Variants in RAD54B observed in about 807,000 individuals in gnomAD.
RAD54B encodes the protein RAD54 homolog B, also known as DNA repair and recombination protein RAD54B.
In RAD54B, 78 loss-of-function variants were observed where a neutral mutation model predicts 95.8. That is an observed-to-expected ratio of 0.81 (90% confidence interval 0.68 to 0.98). RAD54B has a LOEUF of 0.98. Ranked by LOEUF, RAD54B falls within the 50% of genes least tolerant of loss-of-function variation. The pLI, the probability that RAD54B is intolerant of heterozygous loss-of-function variation, is 0.00. For missense variants in RAD54B, 957 were observed against 1,056.6 expected, an observed-to-expected ratio of 0.91 and a Z score of 1.31; for synonymous variants, 328 against 354.9, an observed-to-expected ratio of 0.92 and a Z score of 0.85.
At position 94,372,121 on chromosome 8, in the gene RAD54B, AT is replaced by A. The variant is rs1247526804; in HGVS notation, c.*48del. Reference sequence around the variant, plus strand: ...TTTTCAAAAAGTACATTTAATTACCATACTAATTTTCAAAAGAAGAGCAATG... The same window carrying A: ...TTTTCAAAAAGTACATTTAATTACCAACTAATTTTCAAAAGAAGAGCAATG... On this transcript the variant is annotated 3_prime_UTR_variant, in exon 15 of 15. Coordinates refer to ENST00000336148, the MANE Select transcript of RAD54B (RefSeq NM_012415.3). 1 of 1,530,680 alleles carries A rather than the reference AT, an allele frequency of 6.5e-7. No individual in the cohort carries two copies. Among genetic ancestry groups the A allele is most frequent in the Non-Finnish European group, 8.7e-7 (1 of 1,147,404 alleles). The allele number at this position is 1,530,680 out of a possible 1,614,324, so 94.8% of individuals were successfully genotyped here. A position where few individuals can be genotyped will look rare whatever the true frequency, so the allele number is the denominator to read the frequency against.
intron 3 of RAD54B, chr8:94,431,926 G>T: frequency 8.2e-7 from 1 of 1,219,130 alleles, no homozygotes; most frequent in Non-Finnish European, 1.0e-6. Context: ...AAAAAAAGAA[G>T]ACAATAAAAA....
At chr8:94,431,208 T>C (rs979413600) in intron 3 of RAD54B, 2 of 939,484 alleles carry the variant, frequency 2.1e-6, no homozygotes, top group Non-Finnish European at 2.5e-6. Context: ...ATACATAAAA[T>C]TTTAATTTTG....
At chr8:94,442,362 A>G (rs953520061) in intron 3 of RAD54B, among the ~76,000 whole-genome samples, 6 of 114,708 alleles carry the variant, frequency 5.2e-5, no homozygotes, top group African/African-American at 1.9e-4. Context: ...TCACAAGGTC[A>G]GGAATCAAGA....
chr8:94,385,385 A>G (rs1270634465), intron 11 of RAD54B, among the ~76,000 whole-genome samples: 1 of 152,162 alleles, frequency 6.6e-6, no homozygotes. Flanking sequence ...AAAAGATAAT[A>G]AGATATGAAT....
At chr8:94,400,875 A>G (rs1371864476) in intron 6 of RAD54B, among the ~76,000 whole-genome samples, 1 of 152,204 alleles carries the variant, frequency 6.6e-6, no homozygotes, top group Non-Finnish European at 1.5e-5. Context: ...AGATCTACTG[A>G]GCTGTATTTT....
At chr8:94,407,310 A>G (rs567595517) in intron 5 of RAD54B, 129 bp downstream of exon 5, 18 of 871,384 alleles carry the variant, frequency 2.1e-5, no homozygotes, top group Non-Finnish European at 2.2e-5. Context: ...CTTATGTCAG[A>G]TTATATATCT....
Position 94,372,326 on chromosome 8 carries a change from T to C in RAD54B, c.2577A>G (p.Lys859=). Residue 859 remains lysine (K), a synonymous_variant, in exon 15 of 15, where the codon AAA becomes AAG. Transcript: ENST00000336148. ...RDCQLGPHHQ[K]SNSLKPLSMS... ...TAGAAAGAGGTTTCAGGGAGTTAGA[T>C]TTCTGGTGATGTGGACCAAGCTGAC... 6.2e-7 allele frequency: 1 copy of C among 1,613,830 alleles called. No homozygotes were observed.
At chr8:94,376,118 A>G (rs1258545963) in intron 14 of RAD54B, among the ~76,000 whole-genome samples, 1 of 152,128 alleles carries the variant, frequency 6.6e-6, no homozygotes. Context: ...TTAAGAGGAT[A>G]TACACGATTT....
At chr8:94,471,741 T>C (rs2130214096) in intron 1 of RAD54B, among the ~76,000 whole-genome samples, 1 of 152,216 alleles carries the variant, frequency 6.6e-6, no homozygotes, top group Non-Finnish European at 1.5e-5. Flanking sequence ...TCAAATTTTT[T>C]ACAATGAAAA....
chr8:94,386,590 GTGTGCA>G (rs1207574033), intron 11 of RAD54B, among the ~76,000 whole-genome samples: 3 of 58,096 alleles, frequency 5.2e-5, no homozygotes, highest in Non-Finnish European at 1.1e-4. Flanking sequence ...GTGTGTGTGT[GTGTGCA>G]TGTGTGTGTG....
chr8:94,416,414 C>T (rs1811668583), intron 3 of RAD54B, among the ~76,000 whole-genome samples: 1 of 151,324 alleles, frequency 6.6e-6, no homozygotes, highest in African/African-American at 2.4e-5. Context: ...ATACCTAATG[C>T]TAAATGATGA....
intron 3 of RAD54B, among the ~76,000 whole-genome samples, chr8:94,422,583 G>A (rs1329894124): frequency 7.6e-5 from 3 of 39,368 alleles, no homozygotes; most frequent in Non-Finnish European, 1.4e-4. Context: ...GCGAGACTTC[G>A]TCTCAAAAAA....
At chr8:94,451,213 G>C (rs1203784121) in intron 3 of RAD54B, among the ~76,000 whole-genome samples, 1 of 152,114 alleles carries the variant, frequency 6.6e-6, no homozygotes, top group Admixed American at 6.5e-5. Flanking sequence ...TATTGTGCCG[G>C]AAGCACAAAA....
chr8:94,458,227 A>G (rs1323175669), intron 3 of RAD54B, 41 bp downstream of exon 3: 4 of 1,492,362 alleles, frequency 2.7e-6, no homozygotes, highest in Non-Finnish European at 3.6e-6. Context: ...CTGTAATACT[A>G]TTGGTCAAGC....
chr8:94,457,286 G>A (rs1173134445), intron 3 of RAD54B, among the ~76,000 whole-genome samples: 2 of 152,302 alleles, frequency 1.3e-5, no homozygotes, highest in East Asian at 3.9e-4. Context: ...GTAAGATAGA[G>A]CAGAGCTAAA....
At chr8:94,410,078 C>T (rs1264007762) in intron 4 of RAD54B, among the ~76,000 whole-genome samples, 1 of 152,180 alleles carries the variant, frequency 6.6e-6, no homozygotes, top group Non-Finnish European at 1.5e-5. Context: ...GCCTTTCATA[C>T]ACTACATTCC....
In RAD54B at chr8:94,381,530, A is replaced by G. The variant is rs183075633; in HGVS notation, c.1986-1124T>C. Among the ~76,000 whole-genome samples the G allele has an allele frequency of 3.5e-4, 53 of 152,344 alleles. 1 individual carries two copies. The East Asian group carries it at 9.4e-3, about 27-fold the overall frequency. Reference sequence around the variant, plus strand: ...CAAAGCAATGAAAAAAAACAGAAGAAAACTTTCCGAAAATAATTTATGTCC... The same window carrying G: ...CAAAGCAATGAAAAAAAACAGAAGAGAACTTTCCGAAAATAATTTATGTCC... On this transcript the variant is annotated intron_variant, in intron 11 of 14. Coordinates refer to ENST00000336148, the MANE Select transcript of RAD54B (RefSeq NM_012415.3).
rs1216926392 is a variant in RAD54B at position 94,467,528 on chromosome 8, A to G, written c.12T>C (p.Ser4=). The change falls in exon 2 of 15, where the codon TCT becomes TCC. Residue 4 remains serine (S), a synonymous_variant. Coordinates refer to ENST00000336148, the MANE Select transcript of RAD54B (RefSeq NM_012415.3). ...TCCCCTGCAACTGACTTGGTGCTGC[A>G]GATCGTCTCATATTCAGCAGTCGTG... The part of the protein sequence containing the change: MRR[S]AAPSQLQGNS... The G allele has an allele frequency of 8.1e-6, 13 of 1,612,788 alleles. No homozygotes were observed. In the Admixed American group the frequency reaches 2.2e-4, roughly 27 times the overall value.
chr8:94,382,519 A>G (rs1810769081), intron 11 of RAD54B, among the ~76,000 whole-genome samples: 2 of 152,202 alleles, frequency 1.3e-5, no homozygotes, highest in African/African-American at 4.8e-5. Context: ...CTTTCTTAGG[A>G]AACTACTGTG....
Sources: gnomAD v4.1 joint callset for allele counts (sites outside exome capture counted in the v4.1 genomes callset) on GRCh38, gnomAD v4.1.1 for gene constraint, MANE v1.5 for transcripts, NCBI Gene and HGNC (gene_info 2026-07-23, HGNC 2026-07-21) for gene names.